Variants in NRXN2 observed in about 807,000 individuals in gnomAD.
NRXN2 encodes neurexin 2.
In NRXN2, 29 loss-of-function variants were observed where a neutral mutation model predicts 128.8. The observed-to-expected ratio is 0.23, with a 90% CI of 0.17 to 0.31. NRXN2 has a LOEUF of 0.31. Among genes scored for constraint, NRXN2 ranks in the 10% least tolerant of loss-of-function variants. The pLI is 1.00. For synonymous variants in NRXN2, 1,098 were observed against 1,075.2 expected (o/e 1.02, Z -0.41); for missense variants, 1,881 against 2,452.6 (o/e 0.77, Z 4.92).
At chr11:64,701,089 CCT>C (rs1309212326) in intron 2 of NRXN2, among the ~76,000 whole-genome samples, 2 of 152,170 alleles carry the variant, frequency 1.3e-5, no homozygotes, top group Non-Finnish European at 2.9e-5. Flanking sequence ...CTGATCAGTC[CCT>C]CTCCTTGGAA....
At chr11:64,721,298 G>C (rs941398400) in intron 1 of NRXN2, among the ~76,000 whole-genome samples, 1 of 151,836 alleles carries the variant, frequency 6.6e-6, no homozygotes, top group Admixed American at 6.6e-5. Context: ...CCAGCCACTC[G>C]CGCACCCAGC....
At position 64,660,678 on chromosome 11, in the gene NRXN2, A is replaced by C; in HGVS notation, c.2185+75T>G. 1.3e-6 allele frequency: 2 copies of C among 1,599,860 alleles called. No homozygotes were observed. The highest frequency in any genetic ancestry group is 3.3e-5 in the Admixed American group (2 of 60,006). ...CTAGGAGGAGGTGGCACAGGGATGGAAAGTAGGAGTCACCCTGAGAAGGAG... is the reference window on the plus strand; with the variant it reads ...CTAGGAGGAGGTGGCACAGGGATGGCAAGTAGGAGTCACCCTGAGAAGGAG... On this transcript the variant is annotated intron_variant, in intron 10 of 22. Coordinates refer to ENST00000265459, the MANE Select transcript of NRXN2 (RefSeq NM_015080.4). The surrounding 1 kb of genome is among the most constrained non-coding windows in gnomAD (Gnocchi z 5.2).
intron 19 of NRXN2, among the ~76,000 whole-genome samples, chr11:64,629,744 C>A (rs188031812): frequency 3.3e-5 from 5 of 152,334 alleles, no homozygotes; most frequent in Admixed American, 3.3e-4. Context: ...AGGTTGTCAA[C>A]AAAGGTTATT....
chr11:64,694,253 T>C (rs560514367), intron 3 of NRXN2, among the ~76,000 whole-genome samples: 1 of 152,170 alleles, frequency 6.6e-6, no homozygotes, highest in Non-Finnish European at 1.5e-5. Flanking sequence ...GGAACAGCCC[T>C]GCAGTGCCAC....
At chr11:64,647,336 TGAG>T (rs1310763520) in intron 17 of NRXN2, among the ~76,000 whole-genome samples, 1 of 151,824 alleles carries the variant, frequency 6.6e-6, no homozygotes, top group African/African-American at 2.4e-5. Context: ...CAAGCAATGC[TGAG>T]GAGGCTGCAC....
At chr11:64,693,114 C>T (rs2054048909) in intron 3 of NRXN2, among the ~76,000 whole-genome samples, 1 of 133,414 alleles carries the variant, frequency 7.5e-6, no homozygotes, top group Non-Finnish European at 1.5e-5. Flanking sequence ...GAGGGCACAA[C>T]AGGGGAAGAG....
intron 2 of NRXN2, among the ~76,000 whole-genome samples, chr11:64,702,737 C>A (rs1171377376): frequency 6.8e-6 from 1 of 147,028 alleles, no homozygotes; most frequent in Non-Finnish European, 1.5e-5. Context: ...ACCTTCCCTC[C>A]ACTATTGTCC....
chr11:64,699,425 C>CTTTTT (rs67776872), intron 2 of NRXN2, among the ~76,000 whole-genome samples: 6,500 of 91,942 alleles, frequency 0.071, 518 homozygotes, highest in African/African-American at 0.098. Context: ...TAATAGTTTT[C>CTTTTT]TTTTTTTTTT....
rs371785995 is a variant in NRXN2, at chr11:64,641,536, G to A, written c.3404-6084C>T. Among the ~76,000 whole-genome samples the A allele has an allele frequency of 2.0e-5, 3 of 152,020 alleles. No homozygotes were observed. The South Asian group carries it at 6.2e-4, about 32-fold the overall frequency. On this transcript the variant is annotated intron_variant, in intron 17 of 22. Transcript: ENST00000265459. ...AGAGCTTGGGAGTGATGGGGGCACA[G>A]AGTATGGAGGACAGAGATGGAAGGT... is the stretch of plus-strand genomic sequence containing the variant.
intron 17 of NRXN2, chr11:64,642,720 C>CGGCGGTGGA: frequency 6.9e-7 from 1 of 1,452,480 alleles, no homozygotes; most frequent in Non-Finnish European, 9.1e-7. Context: ...GTGGCGGCGG[C>CGGCGGTGGA]GGCGGTGGAG....
rs1417830590 is a variant in NRXN2 at position 64,630,741 on chromosome 11, A to T, written c.3586-168T>A. 6.6e-6 allele frequency among the ~76,000 whole-genome samples: 1 copy of T among 152,112 alleles called. No homozygotes were observed. The highest frequency in any genetic ancestry group is 1.5e-5 in the Non-Finnish European group (1 of 68,002). ...AGGCTCGCTCCCCTTCCCCACATGC[A>T]AGGGAGTAACTTGAGGCCGGAGGTG... is the stretch of plus-strand genomic sequence containing the variant. On this transcript the variant is annotated intron_variant, in intron 18 of 22. Transcript: ENST00000265459. This position sits in a 1 kb window ranked among gnomAD's most constrained non-coding sequence, Gnocchi z 4.6.
chr11:64,672,287 C>T (rs1006297191), intron 7 of NRXN2, among the ~76,000 whole-genome samples: 19 of 152,224 alleles, frequency 1.2e-4, no homozygotes, highest in Non-Finnish European at 1.8e-4. Flanking sequence ...GCAGGCTGTG[C>T]AGGATATGAA....
At position 64,713,124 on chromosome 11, in the gene NRXN2, C is replaced by A; in HGVS notation, c.576G>T (p.Leu192=). ...TGGCGCCGCGCAGGCCCTGGCTGCC[C>A]AGCAGCGCGGGGGGCCGCTCGCCCA... The part of the protein sequence containing the change: ...LKLGERPPAL[L]GSQGLRGATA... Residue 192 remains leucine, a synonymous_variant, in exon 2 of 23, where the codon CTG becomes CTT. Transcript: ENST00000265459. The A allele has an allele frequency of 7.0e-7, 1 of 1,425,790 alleles. No individual in the cohort carries two copies. Among genetic ancestry groups the A allele is most frequent in the Non-Finnish European group, 9.2e-7 (1 of 1,089,164 alleles). 88.3% of individuals were successfully genotyped at this position (1,425,790 alleles called of 1,614,324 possible). A position where few individuals can be genotyped will look rare whatever the true frequency, so the allele number is the denominator to read the frequency against.
chr11:64,625,775 G>A (rs1477229506), intron 20 of NRXN2, among the ~76,000 whole-genome samples: 2 of 152,084 alleles, frequency 1.3e-5, no homozygotes. Context: ...GGGCTTGCTT[G>A]GTCTTCCTCA....
chr11:64,610,832 G>A (rs2040518819), intron 22 of NRXN2, among the ~76,000 whole-genome samples: 1 of 152,180 alleles, frequency 6.6e-6, no homozygotes, highest in African/African-American at 2.4e-5. Context: ...ATCATGGCAG[G>A]GTTCCCCTCC....
intron 20 of NRXN2, among the ~76,000 whole-genome samples, chr11:64,624,228 G>A (rs1276555033): frequency 6.6e-6 from 1 of 152,192 alleles, no homozygotes; most frequent in Non-Finnish European, 1.5e-5. Flanking sequence ...CAAAACCCGG[G>A]CTGAGGACAG....
At chr11:64,698,028 C>T (rs890493818) in intron 2 of NRXN2, among the ~76,000 whole-genome samples, 1 of 152,150 alleles carries the variant, frequency 6.6e-6, no homozygotes. Flanking sequence ...CAGCCAGTAC[C>T]CATCACACCC....
chr11:64,697,486 C>T (rs2054711844), intron 3 of NRXN2, among the ~76,000 whole-genome samples: 1 of 152,066 alleles, frequency 6.6e-6, no homozygotes, highest in Non-Finnish European at 1.5e-5. Flanking sequence ...TCCTGTCAGC[C>T]CCATCCCTCC....
At chr11:64,669,792 G>A (rs925263218) in intron 7 of NRXN2, among the ~76,000 whole-genome samples, 6 of 152,232 alleles carry the variant, frequency 3.9e-5, no homozygotes, top group African/African-American at 1.4e-4. Context: ...GCAGTGGTTT[G>A]GAAGGGTCAG....
Sources: allele counts gnomAD v4.1 joint callset (sites outside exome capture counted in the v4.1 genomes callset), GRCh38; gene constraint gnomAD v4.1.1; non-coding constraint Gnocchi (gnomAD v3.1); transcripts MANE v1.5; gene names NCBI Gene and HGNC (gene_info 2026-07-23, HGNC 2026-07-21).